Variants in TMEM135 observed in about 807,000 individuals in gnomAD.
TMEM135 encodes the protein peroxisomal membrane protein 52.
A neutral mutation model predicts 60.3 loss-of-function variants in TMEM135; 30 were observed. The observed-to-expected ratio is 0.50, with a 90% CI of 0.37 to 0.68. The LOEUF (loss-of-function observed/expected upper bound fraction) is 0.68. Among genes scored for constraint, TMEM135 ranks in the 30% least tolerant of loss-of-function variants. The pLI, the probability that TMEM135 is intolerant of heterozygous loss-of-function variation, is 0.00. For missense variants in TMEM135, 468 were observed against 548.8 expected (o/e 0.85, Z 1.47); for synonymous variants, 190 against 186.7 (o/e 1.02, Z -0.14).
chr11:87,309,480 A>G lies in TMEM135; in HGVS notation c.769-25A>G. Reference sequence around the variant, plus strand: ...AAACTTCAAAATTTGTTTGTAAATCAGGTTTTTCTCCAAATTTCCTCTAGG... The same window carrying G: ...AAACTTCAAAATTTGTTTGTAAATCGGGTTTTTCTCCAAATTTCCTCTAGG... On this transcript the variant is annotated intron_variant, in intron 9 of 14. Transcript: ENST00000305494. 3 of 1,613,044 alleles carry G rather than the reference A, an allele frequency of 1.9e-6. No individual in the cohort carries two copies. The South Asian group carries it at 3.3e-5, about 18-fold the overall frequency.
In TMEM135 at chr11:87,079,526, T is replaced by C. The variant is rs149961927; in HGVS notation, c.362+7911T>C. On this transcript the variant is annotated intron_variant, in intron 3 of 14. Coordinates refer to ENST00000305494, the MANE Select transcript of TMEM135 (RefSeq NM_022918.4). The stretch of plus-strand genomic sequence containing the variant: ...ATTAGTTTTAAGAGTTTTTGGTACA[T>C]TCCTTGAGATTTTCTATACAGACAA... Among the ~76,000 whole-genome samples the C allele has an allele frequency of 1.5e-3, 227 of 152,154 alleles. 1 individual carries two copies. Among genetic ancestry groups the C allele is most frequent in the African/African-American group, 4.3e-3 (180 of 41,542 alleles).
chr11:87,283,682 AC>A (rs1205011274), intron 6 of TMEM135, among the ~76,000 whole-genome samples: 1 of 152,042 alleles, frequency 6.6e-6, no homozygotes, highest in African/African-American at 2.4e-5. Context: ...AGATGGTGAA[AC>A]CCTGTTTCTG....
At position 87,045,046 on chromosome 11, in the gene TMEM135, T is replaced by C. The variant is rs570817044; in HGVS notation, c.141+6860T>C. On this transcript the variant is annotated intron_variant, in intron 1 of 14. Coordinates refer to ENST00000305494, the MANE Select transcript of TMEM135 (RefSeq NM_022918.4). ...TGAAGGTGTTTTTATTTTTATTTTT[T>C]TGAGACGGAGTCTGGCTTTGTTGCC... 2.7e-4 allele frequency among the ~76,000 whole-genome samples: 41 copies of C among 152,106 alleles called. No individual in the cohort carries two copies. The South Asian group carries it at 6.2e-3, about 23-fold the overall frequency.
chr11:87,150,257 C>T (rs1314153601), intron 4 of TMEM135, among the ~76,000 whole-genome samples: 2 of 151,272 alleles, frequency 1.3e-5, no homozygotes, highest in Non-Finnish European at 2.9e-5. Flanking sequence ...AAATGGTATG[C>T]TGCAAAGGTT....
chr11:87,095,997 T>C, intron 4 of TMEM135: 1 of 201,644 alleles, frequency 5.0e-6, no homozygotes, highest in Non-Finnish European at 1.0e-5. Flanking sequence ...AAAAAGCCGT[T>C]GGTAATCTGC....
intron 5 of TMEM135, among the ~76,000 whole-genome samples, chr11:87,182,523 T>C (rs571911783): frequency 6.6e-6 from 1 of 152,284 alleles, no homozygotes; most frequent in South Asian, 2.1e-4. Context: ...ATCACTAACA[T>C]CTAAGTATAT....
intron 1 of TMEM135, among the ~76,000 whole-genome samples, chr11:87,039,406 T>A (rs974229111): frequency 7.2e-5 from 11 of 152,158 alleles, no homozygotes; most frequent in African/African-American, 2.7e-4. Flanking sequence ...AACAAACTCG[T>A]GGTAATGCTG....
Position 87,309,574 on chromosome 11 carries a change from C to A in TMEM135, c.838C>A (p.His280Asn). ...CCTCCGAATCCCTTCTGCATTTAGG[C>A]ATCTGTTTACACAGCCATCTCGGCT... ...CCLRIPSAFRHLFTQPSRLLS... is the reference protein window; with the variant it reads ...CCLRIPSAFRNLFTQPSRLLS... Residue 280 changes from histidine to asparagine, a missense_variant, in exon 10 of 15, where the codon CAT (histidine) becomes AAT (asparagine). By Grantham distance (68) the His-to-Asn change is moderately conservative. Transcript: ENST00000305494. 1 of 1,613,884 alleles carries A rather than the reference C, an allele frequency of 6.2e-7. No individual in the cohort carries two copies. The highest frequency in any genetic ancestry group is 8.5e-7 in the Non-Finnish European group (1 of 1,179,832).
At chr11:87,256,520 T>C (rs1484653421) in intron 6 of TMEM135, among the ~76,000 whole-genome samples, 1 of 152,172 alleles carries the variant, frequency 6.6e-6, no homozygotes, top group Non-Finnish European at 1.5e-5. Context: ...GAATTTATGA[T>C]GAATATAAAA....
At chr11:87,161,323 G>A (rs511694) in intron 5 of TMEM135, among the ~76,000 whole-genome samples, 55,962 of 151,984 alleles carry the variant, frequency 0.37, 10,838 homozygotes, top group East Asian at 0.67. Flanking sequence ...TTCAAAAGTG[G>A]TATTTTTCTA....
intron 6 of TMEM135, among the ~76,000 whole-genome samples, chr11:87,263,422 G>A (rs1451552349): frequency 1.3e-5 from 2 of 151,996 alleles, no homozygotes; most frequent in African/African-American, 4.8e-5. Flanking sequence ...GTCAAGATTT[G>A]GCTCCTACCA....
In TMEM135 at chr11:87,325,193, G is replaced by A. The variant is rs1294172740; in HGVS notation, c.*3860G>A. 1 of 453,916 alleles carries A rather than the reference G, an allele frequency of 2.2e-6. No homozygotes were observed. The highest frequency in any genetic ancestry group is 4.4e-6 in the Non-Finnish European group (1 of 226,792). The allele number at this position is 453,916 out of a possible 1,614,324, so 28.1% of individuals were successfully genotyped here. On this transcript the variant is annotated 3_prime_UTR_variant, in exon 15 of 15. Coordinates refer to ENST00000305494, the MANE Select transcript of TMEM135 (RefSeq NM_022918.4). ...TAGTACTATGTTTCTGTTTAAAGTAGTGGCCTCAGGTGACTTTGTAATAGC... is the reference window on the plus strand; with the variant it reads ...TAGTACTATGTTTCTGTTTAAAGTAATGGCCTCAGGTGACTTTGTAATAGC...
intron 5 of TMEM135, among the ~76,000 whole-genome samples, chr11:87,168,662 C>A (rs1939138113): frequency 6.6e-6 from 1 of 152,146 alleles, no homozygotes; most frequent in Non-Finnish European, 1.5e-5. Flanking sequence ...GCATTGTGGT[C>A]TCAGAGACTG....
intron 4 of TMEM135, among the ~76,000 whole-genome samples, chr11:87,109,753 T>C (rs1028867987): frequency 6.6e-6 from 1 of 152,194 alleles, no homozygotes; most frequent in African/African-American, 2.4e-5. Flanking sequence ...TCCTGGAGTT[T>C]TACGTGTTCC....
At chr11:87,247,941 T>G (rs1237429351) in intron 6 of TMEM135, among the ~76,000 whole-genome samples, 1 of 151,898 alleles carries the variant, frequency 6.6e-6, no homozygotes, top group African/African-American at 2.4e-5. Flanking sequence ...TCACCCGTCT[T>G]CTGCGTCGCT....
chr11:87,265,100 A>G (rs1182413284), intron 6 of TMEM135, among the ~76,000 whole-genome samples: 1 of 151,958 alleles, frequency 6.6e-6, no homozygotes, highest in East Asian at 1.9e-4. Context: ...CTAGAAATTT[A>G]TTGTCTATTC....
At chr11:87,215,763 G>A (rs1940486227) in intron 5 of TMEM135, among the ~76,000 whole-genome samples, 1 of 152,148 alleles carries the variant, frequency 6.6e-6, no homozygotes, top group Non-Finnish European at 1.5e-5. Flanking sequence ...AATTGTTGTG[G>A]CCAACTTTGT....
At position 87,295,799 on chromosome 11, in the gene TMEM135, A is replaced by G; in HGVS notation, c.527A>G (p.Lys176Arg). 1 of 1,608,096 alleles carries G rather than the reference A, an allele frequency of 6.2e-7. No individual in the cohort carries two copies. The highest frequency in any genetic ancestry group is 1.1e-5 in the South Asian group (1 of 89,760). ...TGTTTTAGGTGCAAGGATGGCTTGA[A>G]AGGATTTACATTTTCTGCACTTAGG... ...MFFFRCKDGL[K>R]GFTFSALRFI... is the part of the protein sequence containing the mutation. The change falls in exon 7 of 15, where the codon AAA becomes AGA. Residue 176 changes from lysine (K) to arginine (R), a missense_variant. Transcript: ENST00000305494.
chr11:87,064,214 A>G (rs772945354), intron 1 of TMEM135, among the ~76,000 whole-genome samples: 7 of 150,174 alleles, frequency 4.7e-5, no homozygotes, highest in Admixed American at 6.6e-5. Context: ...TCTGATGACT[A>G]ATGGTGCTGG....
Sources: gnomAD v4.1 joint callset for allele counts (sites outside exome capture counted in the v4.1 genomes callset) on GRCh38, gnomAD v4.1.1 for gene constraint, MANE v1.5 for transcripts, NCBI Gene and HGNC (gene_info 2026-07-23, HGNC 2026-07-21) for gene names.